Variants in ALK observed in about 807,000 individuals in gnomAD.
The protein encoded by ALK is ALK receptor tyrosine kinase.
In ALK, 74 loss-of-function variants were observed where a neutral mutation model predicts 163.1. The ratio of observed to expected loss-of-function variants is 0.45; its 90% confidence interval spans 0.38 to 0.55. ALK has a LOEUF of 0.55. Among genes scored for constraint, ALK ranks in the 20% least tolerant of loss-of-function variants. The pLI, the probability that ALK is intolerant of heterozygous loss-of-function variation, is 0.00. For missense variants in ALK, 2,063 were observed against 2,105.3 expected (o/e 0.98, Z 0.39); for synonymous variants, 960 against 843.2 (o/e 1.14, Z -2.40).
intron 4 of ALK, among the ~76,000 whole-genome samples, chr2:29,490,252 C>T (rs1383493712): frequency 2.0e-5 from 3 of 152,226 alleles, no homozygotes; most frequent in African/African-American, 7.2e-5. Flanking sequence ...TGACCTTGGC[C>T]TTGGGCGGAG....
intron 4 of ALK, among the ~76,000 whole-genome samples, chr2:29,503,443 A>G (rs1252827937): frequency 1.3e-5 from 2 of 152,238 alleles, no homozygotes; most frequent in Non-Finnish European, 2.9e-5. Flanking sequence ...AAAAGCCGTG[A>G]TATCTTTCAT....
rs572200719 is a variant in ALK at position 29,740,724 on chromosome 2, A to G, written c.668-23027T>C. ...CTCAAAAGAAATGTGCTATTAGGCT[A>G]GGCGTGGTGGCTCACACCTGTAATC... On this transcript the variant is annotated intron_variant, in intron 1 of 28. Coordinates refer to ENST00000389048, the MANE Select transcript of ALK (RefSeq NM_004304.5). 4.6e-5 allele frequency among the ~76,000 whole-genome samples: 7 copies of G among 152,314 alleles called. No homozygotes were observed. In the South Asian group the frequency reaches 1.5e-3, roughly 32 times the overall value.
chr2:29,723,783 T>C (rs1406801350), intron 1 of ALK, among the ~76,000 whole-genome samples: 2 of 152,244 alleles, frequency 1.3e-5, no homozygotes, highest in Non-Finnish European at 2.9e-5. Flanking sequence ...TAAAATTGTA[T>C]GCTCCTATCT....
chr2:29,540,794 C>T (rs72796403), intron 3 of ALK, among the ~76,000 whole-genome samples: 21,032 of 151,940 alleles, frequency 0.14, 1,758 homozygotes, highest in East Asian at 0.34. Context: ...TAAAACTGTG[C>T]TTTTCTTATA....
In ALK at chr2:29,610,456, T is replaced by C. The variant is rs77324152; in HGVS notation, c.953-78340A>G. Among the ~76,000 whole-genome samples the C allele has an allele frequency of 2.0e-5, 3 of 152,104 alleles. No homozygotes were observed. In the East Asian group the frequency reaches 5.8e-4, roughly 29 times the overall value. ...AAGGGTTTCATTCGTCTTAAATGAG[T>C]TCTACTTTCTGCTTTCCTTTCATTC... is the stretch of plus-strand genomic sequence containing the variant. On this transcript the variant is annotated intron_variant, in intron 3 of 28. Transcript: ENST00000389048.
chr2:29,624,721 G>A (rs1271112189), intron 3 of ALK, among the ~76,000 whole-genome samples: 6 of 152,218 alleles, frequency 3.9e-5, no homozygotes, highest in Non-Finnish European at 8.8e-5. Flanking sequence ...AAACCTGCAC[G>A]TACTGCGCAT....
At chr2:29,538,192 G>A (rs976178150) in intron 3 of ALK, among the ~76,000 whole-genome samples, 1 of 152,108 alleles carries the variant, frequency 6.6e-6, no homozygotes, top group Non-Finnish European at 1.5e-5. Flanking sequence ...TGATATTTGG[G>A]GGGGGCAGGG....
In ALK at chr2:29,227,543, A is replaced by C. The variant is rs1553395324; in HGVS notation, c.2914+31T>G. 6.3e-7 allele frequency: 1 copy of C among 1,577,016 alleles called. No individual in the cohort carries two copies. Among genetic ancestry groups the C allele is most frequent in the East Asian group, 2.2e-5 (1 of 44,690 alleles). On this transcript the variant is annotated intron_variant, in intron 17 of 28. Coordinates refer to ENST00000389048, the MANE Select transcript of ALK (RefSeq NM_004304.5). The surrounding 1 kb of genome is among the most constrained non-coding windows in gnomAD (Gnocchi z 4.4). Reference sequence around the variant, plus strand: ...CTTGGTGGGAGGACTGACCTAAGCAAGTTTGTTCTGCTGCCTGGCAGAGAA... The same window carrying C: ...CTTGGTGGGAGGACTGACCTAAGCACGTTTGTTCTGCTGCCTGGCAGAGAA...
chr2:29,483,146 G>A (rs971334632), intron 4 of ALK, among the ~76,000 whole-genome samples: 1 of 152,208 alleles, frequency 6.6e-6, no homozygotes, highest in African/African-American at 2.4e-5. Flanking sequence ...TCCCCAGCAA[G>A]CTGTATGACC....
chr2:29,279,270 G>A (rs1283122461), intron 9 of ALK, among the ~76,000 whole-genome samples: 1 of 152,172 alleles, frequency 6.6e-6, no homozygotes, highest in African/African-American at 2.4e-5. Flanking sequence ...TCAGGAACAC[G>A]CACAACCATC....
In ALK at chr2:29,368,222, G is replaced by A. The variant is rs535137747; in HGVS notation, c.1282+15510C>T. On this transcript the variant is annotated intron_variant, in intron 5 of 28. Coordinates refer to ENST00000389048, the MANE Select transcript of ALK (RefSeq NM_004304.5). ...AGCTTTGCAGACAGAACACTGGGCT[G>A]CTCCTCATATCATATGGAATGAGAT... 1.0e-3 allele frequency among the ~76,000 whole-genome samples: 156 copies of A among 152,326 alleles called. 1 individual carries two copies. The highest frequency in any genetic ancestry group is 1.8e-3 in the Non-Finnish European group (120 of 68,028).
chr2:29,791,683 T>C lies in ALK; in HGVS notation c.668-73986A>G, dbSNP rs113838040. ...ATAGTCACCACTGCCCAGATGATAC[T>C]GAAGGCCTCTGGTAGACCAGATCTC... On this transcript the variant is annotated intron_variant, in intron 1 of 28. Transcript: ENST00000389048. Among the ~76,000 whole-genome samples the C allele has an allele frequency of 1.3e-3, 201 of 152,252 alleles. 1 individual carries two copies. Among genetic ancestry groups the C allele is most frequent in the African/African-American group, 4.4e-3 (181 of 41,540 alleles).
At chr2:29,692,998 C>A (rs781019804) in intron 3 of ALK, among the ~76,000 whole-genome samples, 9 of 152,102 alleles carry the variant, frequency 5.9e-5, no homozygotes, top group Non-Finnish European at 1.3e-4. Flanking sequence ...AACATGCAAA[C>A]CTAGTCAATA....
chr2:29,843,255 A>C (rs1363401206), intron 1 of ALK, among the ~76,000 whole-genome samples: 1 of 152,054 alleles, frequency 6.6e-6, no homozygotes, highest in Non-Finnish European at 1.5e-5. Flanking sequence ...TATGAATCAG[A>C]ATTATTGGTA....
chr2:29,919,614 G>A (rs533997312), intron 1 of ALK, among the ~76,000 whole-genome samples: 3 of 152,184 alleles, frequency 2.0e-5, no homozygotes, highest in Non-Finnish European at 2.9e-5. Context: ...GGAGAGAAGG[G>A]CAATAGTTTT....
At chr2:29,460,828 T>C (rs1399092992) in intron 4 of ALK, among the ~76,000 whole-genome samples, 3 of 152,170 alleles carry the variant, frequency 2.0e-5, no homozygotes, top group Admixed American at 6.6e-5. Context: ...CATATGTCTT[T>C]AACTTTAAAT....
intron 11 of ALK, among the ~76,000 whole-genome samples, chr2:29,253,228 A>G (rs537383849): frequency 6.6e-6 from 1 of 152,276 alleles, no homozygotes; most frequent in South Asian, 2.1e-4. Flanking sequence ...TGGCAGAGCT[A>G]GTTTGACCAG....
intron 4 of ALK, among the ~76,000 whole-genome samples, chr2:29,419,310 TC>T (rs1669960392): frequency 1.3e-5 from 2 of 151,400 alleles, no homozygotes; most frequent in African/African-American, 4.9e-5. Context: ...CACCTCGGCT[TC>T]CCAAAGCGCT....
At chr2:29,488,608 A>C (rs1671832525) in intron 4 of ALK, among the ~76,000 whole-genome samples, 1 of 152,186 alleles carries the variant, frequency 6.6e-6, no homozygotes, top group East Asian at 1.9e-4. Flanking sequence ...CAAAGAATGG[A>C]AAAATGATGT....
Sources: gnomAD v4.1 joint callset for allele counts (sites outside exome capture counted in the v4.1 genomes callset) on GRCh38, gnomAD v4.1.1 for gene constraint, Gnocchi (gnomAD v3.1) non-coding constraint, MANE v1.5 for transcripts, NCBI Gene and HGNC (gene_info 2026-07-23, HGNC 2026-07-21) for gene names.